The following HPCAL1 variants were observed in gnomAD, a reference collection of about 807,000 sequenced individuals.
The protein encoded by HPCAL1 is hippocalcin like 1.
A neutral mutation model predicts 17.1 loss-of-function variants in HPCAL1; 8 were observed. The observed-to-expected ratio is 0.47, with a 90% CI of 0.27 to 0.84. HPCAL1 has a LOEUF of 0.84. Ranked by LOEUF, HPCAL1 falls within the 40% of genes least tolerant of loss-of-function variation. The probability of loss-of-function intolerance (pLI) is 0.13; values close to 1 mark genes in which losing one functional copy is unlikely to be tolerated. For synonymous variants in HPCAL1, 112 were observed against 111.4 expected (o/e 1.01, Z -0.03); for missense variants, 165 against 271.1 (o/e 0.61, Z 2.75).
At chr2:10,315,292 CAAAA>C (rs5829256) in intron 1 of HPCAL1, among the ~76,000 whole-genome samples, 1 of 134,400 alleles carries the variant, frequency 7.4e-6, no homozygotes, top group Non-Finnish European at 1.6e-5. Context: ...GACTCCGTCT[CAAAA>C]AAAAAAAAAA....
intron 1 of HPCAL1, among the ~76,000 whole-genome samples, chr2:10,306,596 T>G (rs1467104794): frequency 6.6e-6 from 1 of 152,128 alleles, no homozygotes; most frequent in Non-Finnish European, 1.5e-5. Flanking sequence ...TTGGTGCCAG[T>G]TACCCTACGG....
In HPCAL1 at chr2:10,377,055, A is replaced by C. The variant is rs1327785697; in HGVS notation, c.-110-19780A>C. On this transcript the variant is annotated intron_variant, in intron 1 of 4. Transcript: ENST00000307845. The surrounding 1 kb of genome is among the most constrained non-coding windows in gnomAD (Gnocchi z 5.9). The stretch of plus-strand genomic sequence containing the variant: ...AATACAATACATACTGTATTGTATT[A>C]ATCAGATATGTTGTCCTGTGTTATT... 1.3e-5 allele frequency among the ~76,000 whole-genome samples: 2 copies of C among 152,030 alleles called. No homozygotes were observed. The highest frequency in any genetic ancestry group is 2.9e-5 in the Non-Finnish European group (2 of 67,994).
chr2:10,376,707 G>A (rs1379722689), intron 1 of HPCAL1, among the ~76,000 whole-genome samples: 2 of 152,120 alleles, frequency 1.3e-5, no homozygotes, highest in Admixed American at 6.5e-5. Flanking sequence ...AAAGTGCTGG[G>A]ATTACAGGTG....
At position 10,346,631 on chromosome 2, in the gene HPCAL1, C is replaced by T. The variant is rs1418588736; in HGVS notation, c.-111+43454C>T. Among the ~76,000 whole-genome samples, 10 of 152,160 alleles carry T rather than the reference C, an allele frequency of 6.6e-5. No homozygotes were observed. The East Asian group carries it at 1.9e-3, about 29-fold the overall frequency. ...GTCTACCAGGCTGAGACCCACAGACCCGGGACTGGCATTTATTTATGGATA... is the reference window on the plus strand; with the variant it reads ...GTCTACCAGGCTGAGACCCACAGACTCGGGACTGGCATTTATTTATGGATA... On this transcript the variant is annotated intron_variant, in intron 1 of 4. Transcript: ENST00000307845.
chr2:10,375,216 A>G (rs1314253433), intron 1 of HPCAL1, among the ~76,000 whole-genome samples: 1 of 152,230 alleles, frequency 6.6e-6, no homozygotes, highest in African/African-American at 2.4e-5. Context: ...GCATATTCCT[A>G]TAGATATAAT....
At position 10,319,271 on chromosome 2, in the gene HPCAL1, T is replaced by C. The variant is rs147093692; in HGVS notation, c.-111+16094T>C. 2.6e-3 allele frequency among the ~76,000 whole-genome samples: 394 copies of C among 152,314 alleles called. 1 individual carries two copies. Among genetic ancestry groups the C allele is most frequent in the Non-Finnish European group, 3.6e-3 (247 of 68,020 alleles). On this transcript the variant is annotated intron_variant, in intron 1 of 4. Coordinates refer to ENST00000307845, the MANE Select transcript of HPCAL1 (RefSeq NM_002149.4). Reference sequence around the variant, plus strand: ...CAACCTGTATTTTTCATTTTCCCTCTGCAAGATGTCAGCCCATAGGAGAGG... The same window carrying C: ...CAACCTGTATTTTTCATTTTCCCTCCGCAAGATGTCAGCCCATAGGAGAGG...
rs557538748 is a variant in HPCAL1, at chr2:10,337,825, G to C, written c.-111+34648G>C. On this transcript the variant is annotated intron_variant, in intron 1 of 4. Coordinates refer to ENST00000307845, the MANE Select transcript of HPCAL1 (RefSeq NM_002149.4). The stretch of plus-strand genomic sequence containing the variant: ...TGGCTGGTTTCTCAGTCCCCCAGGA[G>C]GTGCAGGCTGGTTCTTAGGAATGGT... Among the ~76,000 whole-genome samples the C allele has an allele frequency of 3.2e-3, 490 of 152,302 alleles. 11 individuals carry two copies. The highest frequency in any genetic ancestry group is 1.8e-3 in the Non-Finnish European group (121 of 68,032).
intron 1 of HPCAL1, 35 bp from the exon 2 acceptor site, chr2:10,396,800 C>T (rs1301589960): frequency 6.6e-6 from 1 of 152,382 alleles, no homozygotes; most frequent in African/African-American, 2.4e-5. Flanking sequence ...GCCGGGTCGT[C>T]ACAGCCTGCG....
chr2:10,316,401 T>C (rs1663316083), intron 1 of HPCAL1, among the ~76,000 whole-genome samples: 1 of 152,218 alleles, frequency 6.6e-6, no homozygotes, highest in Non-Finnish European at 1.5e-5. Flanking sequence ...ATTGGAAGAC[T>C]CCTGGCGATG....
chr2:10,360,568 C>A (rs551624891), intron 1 of HPCAL1, among the ~76,000 whole-genome samples: 1 of 152,280 alleles, frequency 6.6e-6, no homozygotes, highest in South Asian at 2.1e-4. Context: ...CCCGCCACCA[C>A]ACCTGGCAAA....
Position 10,363,048 on chromosome 2 carries a change from G to A in HPCAL1, c.-110-33787G>A, listed in dbSNP as rs528796263. Among the ~76,000 whole-genome samples, 10 of 152,328 alleles carry A rather than the reference G, an allele frequency of 6.6e-5. No individual in the cohort carries two copies. The highest frequency in any genetic ancestry group is 1.0e-4 in the Non-Finnish European group (7 of 68,038). On this transcript the variant is annotated intron_variant, in intron 1 of 4. Transcript: ENST00000307845. This position sits in a 1 kb window ranked among gnomAD's most constrained non-coding sequence, Gnocchi z 4.7. ...AGGTGGGAGGATTACTTGAGCCTAG[G>A]AGGTTGAGGCTGCAGTGAACCATGA... is the stretch of plus-strand genomic sequence containing the variant.
intron 1 of HPCAL1, among the ~76,000 whole-genome samples, chr2:10,348,979 G>A (rs921229930): frequency 5.3e-5 from 8 of 152,162 alleles, no homozygotes; most frequent in Admixed American, 2.6e-4. Flanking sequence ...CTATTTCAGC[G>A]TTTTACTAGC....
intron 2 of HPCAL1, among the ~76,000 whole-genome samples, chr2:10,403,632 G>A (rs551368418): frequency 1.3e-5 from 2 of 152,030 alleles, no homozygotes; most frequent in Middle Eastern, 3.2e-3. Context: ...ACAGGTGCCT[G>A]CCATCATGCC....
intron 1 of HPCAL1, among the ~76,000 whole-genome samples, chr2:10,353,649 C>G (rs866914641): frequency 4.7e-4 from 71 of 152,226 alleles, no homozygotes; most frequent in African/African-American, 1.7e-3. Flanking sequence ...CTCACTGCAG[C>G]CTTGACTTCC....
At chr2:10,390,334 A>G (rs1668609952) in intron 1 of HPCAL1, among the ~76,000 whole-genome samples, 1 of 152,192 alleles carries the variant, frequency 6.6e-6, no homozygotes. Context: ...CTTGAATTGA[A>G]CAATGGAAGA....
At chr2:10,352,748 C>A (rs1665913221) in intron 1 of HPCAL1, among the ~76,000 whole-genome samples, 1 of 152,200 alleles carries the variant, frequency 6.6e-6, no homozygotes, top group Admixed American at 6.5e-5. Flanking sequence ...TGGTGCCCCC[C>A]ATCAGGAGGG....
intron 1 of HPCAL1, among the ~76,000 whole-genome samples, chr2:10,320,932 T>C (rs1420834885): frequency 6.6e-6 from 1 of 152,156 alleles, no homozygotes; most frequent in Non-Finnish European, 1.5e-5. Flanking sequence ...GATGAGACTG[T>C]GGAAAACAAT....
At chr2:10,412,518 T>G (rs1241088222) in intron 2 of HPCAL1, among the ~76,000 whole-genome samples, 1 of 152,112 alleles carries the variant, frequency 6.6e-6, no homozygotes, top group Non-Finnish European at 1.5e-5. Context: ...GCCCTGACAG[T>G]TATGGAGGCT....
chr2:10,418,672 A>G (rs776441830), intron 2 of HPCAL1, among the ~76,000 whole-genome samples: 22 of 152,156 alleles, frequency 1.4e-4, no homozygotes, highest in Middle Eastern at 6.3e-3. Context: ...CACGCCCTGT[A>G]TATCAGTTAA....
Sources: allele counts gnomAD v4.1 joint callset (sites outside exome capture counted in the v4.1 genomes callset), GRCh38; gene constraint gnomAD v4.1.1; non-coding constraint Gnocchi (gnomAD v3.1); transcripts MANE v1.5; gene names NCBI Gene and HGNC (gene_info 2026-07-23, HGNC 2026-07-21).